Variants in TBXAS1 observed in about 807,000 individuals in gnomAD.
TBXAS1 encodes the protein thromboxane A synthase 1, also known as thromboxane-A synthase.
A neutral mutation model predicts 60.7 loss-of-function variants in TBXAS1; 48 were observed. The observed-to-expected ratio is 0.79, with a 90% CI of 0.63 to 1.01. TBXAS1 has a LOEUF of 1.01. TBXAS1 is among the 50% of genes least tolerant of loss of function. TBXAS1 has a pLI of 0.00. For synonymous variants in TBXAS1, 287 were observed against 269.7 expected (o/e 1.06, Z -0.63); for missense variants, 685 against 686.3 (o/e 1.00, Z 0.02).
intron 4 of TBXAS1, among the ~76,000 whole-genome samples, chr7:139,811,252 C>T (rs1798016514): frequency 6.6e-6 from 1 of 152,242 alleles, no homozygotes; most frequent in South Asian, 2.1e-4. Flanking sequence ...CTCTTTGTCA[C>T]ACTTGATAAT....
At chr7:139,880,007 C>T (rs1030714811) in intron 3 of TBXAS1, among the ~76,000 whole-genome samples, 3 of 152,112 alleles carry the variant, frequency 2.0e-5, no homozygotes, top group African/African-American at 7.2e-5. Flanking sequence ...CCTCAGCCAA[C>T]CAAGTTGCTG....
At chr7:139,812,773 G>C (rs766604684) in intron 4 of TBXAS1, among the ~76,000 whole-genome samples, 4 of 152,090 alleles carry the variant, frequency 2.6e-5, no homozygotes, top group Non-Finnish European at 5.9e-5. Context: ...AAAGTGCTTT[G>C]AAGCCAAGCA....
At chr7:140,000,422 C>T (rs952203710) in intron 9 of TBXAS1, among the ~76,000 whole-genome samples, 1 of 152,154 alleles carries the variant, frequency 6.6e-6, no homozygotes, top group Non-Finnish European at 1.5e-5. Context: ...GCAGGAGGAT[C>T]GCTTGAGCCC....
intron 4 of TBXAS1, among the ~76,000 whole-genome samples, chr7:139,935,290 A>G (rs1206573259): frequency 1.3e-5 from 2 of 152,242 alleles, no homozygotes; most frequent in African/African-American, 4.8e-5. Flanking sequence ...TATGCTTTAA[A>G]TCAGCTCTGG....
chr7:139,898,988 A>G (rs2116978339), intron 3 of TBXAS1, among the ~76,000 whole-genome samples: 1 of 151,118 alleles, frequency 6.6e-6, no homozygotes, highest in African/African-American at 2.4e-5. Context: ...CGGGGGACCA[A>G]TCCAGTGACA....
chr7:139,855,718 C>T (rs1302492913), intron 1 of TBXAS1, among the ~76,000 whole-genome samples: 2 of 152,112 alleles, frequency 1.3e-5, no homozygotes, highest in African/African-American at 4.8e-5. Flanking sequence ...GCATTTGGAG[C>T]CATACACTGG....
chr7:139,808,980 A>T (rs534414897), intron 4 of TBXAS1, among the ~76,000 whole-genome samples: 378 of 16,402 alleles, frequency 0.023, no homozygotes, highest in African/African-American at 0.17. Context: ...AGGTCTTCAT[A>T]AAAAAAAAAA....
At chr7:139,939,393 A>AAAAAAAAAAAAC (rs1808087501) in intron 5 of TBXAS1, among the ~76,000 whole-genome samples, 1 of 149,604 alleles carries the variant, frequency 6.7e-6, no homozygotes, top group Non-Finnish European at 1.5e-5. Context: ...AAAAAAAAAA[A>AAAAAAAAAAAAC]AGCCAAGAGG....
chr7:140,018,444 CCAA>C (rs2116479967), intron 12 of TBXAS1, among the ~76,000 whole-genome samples: 1 of 152,274 alleles, frequency 6.6e-6, no homozygotes, highest in Admixed American at 6.5e-5. Flanking sequence ...CAGCCTCTTC[CCAA>C]CAACATATGC....
At chr7:139,785,728 C>T (rs1220883016) in intron 3 of TBXAS1, among the ~76,000 whole-genome samples, 1 of 152,052 alleles carries the variant, frequency 6.6e-6, no homozygotes, top group African/African-American at 2.4e-5. Context: ...GCACAACAAC[C>T]TTCATCACCT....
rs1160464415 is a variant in TBXAS1 at position 139,865,843 on chromosome 7, A to G, written c.90-6392A>G. Among the ~76,000 whole-genome samples the G allele has an allele frequency of 1.4e-3, 130 of 93,196 alleles. 2 individuals are homozygous for G. The highest frequency in any genetic ancestry group is 2.7e-3 in the South Asian group (5 of 1,852). 61.1% of individuals were successfully genotyped at this position (93,196 alleles called of 152,430 possible). A position where few individuals can be genotyped will look rare whatever the true frequency, so the allele number is the denominator to read the frequency against. On this transcript the variant is annotated intron_variant, in intron 1 of 12. Transcript: ENST00000448866. ...AGGGAGGGAGGGAGGGGGGAAAGGA[A>G]GAAGGAAGGAGGGAGGGAGGAAGGA...
Position 139,875,650 on chromosome 7 carries a change from C to T in TBXAS1, c.236+13C>T, listed in dbSNP as rs1802172924. On this transcript the variant is annotated intron_variant, in intron 3 of 12. Coordinates refer to ENST00000448866, the MANE Select transcript of TBXAS1 (RefSeq NM_001061.7). ...GACCTCTGTGTGGGTAAGAAGGAAA[C>T]TCAACGTTTCTATTATGTACGATAT... 6.2e-7 allele frequency: 1 copy of T among 1,606,064 alleles called. No homozygotes were observed. The highest frequency in any genetic ancestry group is 8.5e-7 in the Non-Finnish European group (1 of 1,179,918).
chr7:139,842,312 C>A (rs544337886), intron 1 of TBXAS1, among the ~76,000 whole-genome samples: 27 of 152,244 alleles, frequency 1.8e-4, no homozygotes, highest in Non-Finnish European at 3.5e-4. Context: ...GATGTGTGTC[C>A]ATTACTGAGC....
intron 9 of TBXAS1, among the ~76,000 whole-genome samples, chr7:139,963,834 A>G (rs1475396797): frequency 6.6e-6 from 1 of 152,202 alleles, no homozygotes; most frequent in Non-Finnish European, 1.5e-5. Flanking sequence ...GGCTCCAGGC[A>G]AATCTTTGTC....
intron 8 of TBXAS1, among the ~76,000 whole-genome samples, chr7:139,959,428 CT>C (rs1810150023): frequency 6.6e-6 from 1 of 152,156 alleles, no homozygotes; most frequent in South Asian, 2.1e-4. Flanking sequence ...GCGTATTTTC[CT>C]TGGATAGGAC....
chr7:139,968,480 A>G (rs1375691802), intron 9 of TBXAS1, among the ~76,000 whole-genome samples: 1 of 151,962 alleles, frequency 6.6e-6, no homozygotes, highest in Admixed American at 6.5e-5. Context: ...TTTTTAGTAG[A>G]CATGGGATTT....
chr7:139,950,682 C>T (rs149014463), intron 5 of TBXAS1, among the ~76,000 whole-genome samples: 3,005 of 123,828 alleles, frequency 0.024, 14 homozygotes, highest in Non-Finnish European at 0.038. Flanking sequence ...TCTACGGGAC[C>T]CCCTCGCCCT....
At chr7:139,827,933 C>A (rs1298266169), upstream of TBXAS1, among the ~76,000 whole-genome samples, 4 of 152,306 alleles carry the variant, frequency 2.6e-5, no homozygotes, top group East Asian at 7.7e-4. Flanking sequence ...TGTCTCAACT[C>A]TGGATAACCT....
chr7:139,893,367 C>CACACAG (rs59280781), intron 3 of TBXAS1, among the ~76,000 whole-genome samples: 2 of 150,832 alleles, frequency 1.3e-5, no homozygotes, highest in Non-Finnish European at 3.0e-5. Context: ...CACACACACA[C>CACACAG]AGCTCCCTTC....
Sources: gnomAD v4.1 joint callset for allele counts (sites outside exome capture counted in the v4.1 genomes callset) on GRCh38, gnomAD v4.1.1 for gene constraint, MANE v1.5 for transcripts, NCBI Gene and HGNC (gene_info 2026-07-23, HGNC 2026-07-21) for gene names.